Variants in TNFAIP8 observed in about 807,000 individuals in gnomAD.
TNFAIP8 encodes the protein TNF alpha induced protein 8, also known as tumor necrosis factor alpha-induced protein 8.
TNFAIP8 carries 7 observed loss-of-function variants against 13.3 expected under a neutral mutation model. The observed-to-expected ratio is 0.52, with a 90% CI of 0.30 to 0.99. TNFAIP8 has a LOEUF of 0.99. Among genes scored for constraint, TNFAIP8 ranks in the 50% least tolerant of loss-of-function variants. The pLI, the probability that TNFAIP8 is intolerant of heterozygous loss-of-function variation, is 0.07. For missense variants in TNFAIP8, 258 were observed against 236.9 expected, an observed-to-expected ratio of 1.09 and a Z score of -0.58; for synonymous variants, 94 against 87.6, an observed-to-expected ratio of 1.07 and a Z score of -0.41.
intron 1 of TNFAIP8, among the ~76,000 whole-genome samples, chr5:119,299,787 G>A (rs1749302296): frequency 6.6e-6 from 1 of 152,222 alleles, no homozygotes; most frequent in African/African-American, 2.4e-5. Flanking sequence ...TGGCTGCTTT[G>A]TTTACCTAAG....
At chr5:119,374,534 C>A (rs1019223359) in intron 1 of TNFAIP8, among the ~76,000 whole-genome samples, 6 of 152,098 alleles carry the variant, frequency 3.9e-5, no homozygotes, top group African/African-American at 1.4e-4. Context: ...TGGCAGAAGC[C>A]CAGGGGGTCC....
intron 1 of TNFAIP8, among the ~76,000 whole-genome samples, chr5:119,337,416 T>A (rs566056320): frequency 1.3e-5 from 2 of 152,220 alleles, no homozygotes; most frequent in East Asian, 3.8e-4. Context: ...TAAAATTGCC[T>A]GTCACTAGAA....
upstream of TNFAIP8, chr5:119,356,002 C>T: frequency 2.6e-6 from 4 of 1,530,382 alleles, no homozygotes; most frequent in Non-Finnish European, 3.5e-6. Flanking sequence ...TATTTTCCGT[C>T]GTGTGCGGAT....
At chr5:119,383,851 A>G (rs981493430) in intron 1 of TNFAIP8, among the ~76,000 whole-genome samples, 13 of 152,200 alleles carry the variant, frequency 8.5e-5, no homozygotes, top group African/African-American at 2.7e-4. Context: ...AAACTGCTCA[A>G]GTTCTTCCCT....
chr5:119,273,587 C>A (rs1489338589), intron 1 of TNFAIP8, among the ~76,000 whole-genome samples: 1 of 152,226 alleles, frequency 6.6e-6, no homozygotes, highest in East Asian at 1.9e-4. Flanking sequence ...CATTAAGCTT[C>A]TCTGCATGAG....
At chr5:119,378,811 C>T (rs750726082) in intron 1 of TNFAIP8, among the ~76,000 whole-genome samples, 20 of 152,182 alleles carry the variant, frequency 1.3e-4, no homozygotes, top group South Asian at 6.2e-4. Flanking sequence ...CAGTGGTTCA[C>T]GCCTGTAATC....
At chr5:119,360,796 A>G (rs1308948671) in intron 1 of TNFAIP8, among the ~76,000 whole-genome samples, 1 of 152,240 alleles carries the variant, frequency 6.6e-6, no homozygotes, top group Non-Finnish European at 1.5e-5. Context: ...GGGGATTTAT[A>G]AAACGCAGAT....
intron 1 of TNFAIP8, among the ~76,000 whole-genome samples, chr5:119,301,944 G>C (rs1749408241): frequency 6.6e-6 from 1 of 152,194 alleles, no homozygotes; most frequent in African/African-American, 2.4e-5. Flanking sequence ...AACTAGAGAG[G>C]TGTGAAACAG....
chr5:119,369,613 T>C (rs1235540129), intron 1 of TNFAIP8, among the ~76,000 whole-genome samples: 1 of 152,214 alleles, frequency 6.6e-6, no homozygotes, highest in Admixed American at 6.5e-5. Flanking sequence ...CATACATTGA[T>C]ATTTTTTGTG....
intron 1 of TNFAIP8, among the ~76,000 whole-genome samples, chr5:119,358,889 G>T (rs1378620328): frequency 6.6e-6 from 1 of 152,130 alleles, no homozygotes; most frequent in East Asian, 1.9e-4. Context: ...TCACTTTGTG[G>T]GGACTTGGAA....
At chr5:119,307,242 T>TGGAAA (rs1749594465) in intron 1 of TNFAIP8, among the ~76,000 whole-genome samples, 1 of 152,242 alleles carries the variant, frequency 6.6e-6, no homozygotes, top group Non-Finnish European at 1.5e-5. Context: ...ACAAATATAC[T>TGGAAA]ATGGTTTAAG....
At chr5:119,334,139 C>CAAAAAAAAAAAA (rs57346323) in intron 1 of TNFAIP8, among the ~76,000 whole-genome samples, 5 of 104,452 alleles carry the variant, frequency 4.8e-5, no homozygotes, top group African/African-American at 1.3e-4. Context: ...CTCTAACAAC[C>CAAAAAAAAAAAA]AAAAAAAAAA....
chr5:119,275,381 C>A (rs1352959315), intron 1 of TNFAIP8, among the ~76,000 whole-genome samples: 1 of 152,120 alleles, frequency 6.6e-6, no homozygotes, highest in Non-Finnish European at 1.5e-5. Context: ...TGCCAGCTGA[C>A]TTAAGGATAA....
chr5:119,268,771 T>A, exon 1 of TNFAIP8: 1 of 671,706 alleles, frequency 1.5e-6, no homozygotes, highest in East Asian at 2.9e-5. Flanking sequence ...CTGCCTCCTT[T>A]TCTCCCGCCG....
intron 1 of TNFAIP8, among the ~76,000 whole-genome samples, chr5:119,388,762 T>G (rs529833030): frequency 1.3e-5 from 2 of 151,840 alleles, no homozygotes; most frequent in African/African-American, 4.8e-5. Flanking sequence ...TCCTCCCACC[T>G]CAGCCCCCTG....
chr5:119,296,365 C>G (rs1209177714), intron 1 of TNFAIP8, among the ~76,000 whole-genome samples: 4 of 151,936 alleles, frequency 2.6e-5, no homozygotes, highest in African/African-American at 7.3e-5. Flanking sequence ...AAGGCCTTTT[C>G]TGCATCTATT....
chr5:119,303,608 A>G (rs1749460134), intron 1 of TNFAIP8, among the ~76,000 whole-genome samples: 2 of 152,206 alleles, frequency 1.3e-5, no homozygotes, highest in Admixed American at 1.3e-4. Flanking sequence ...TTAACCGGAA[A>G]GGTTGAATGC....
intron 1 of TNFAIP8, among the ~76,000 whole-genome samples, chr5:119,358,132 G>A (rs534698024): frequency 6.1e-5 from 8 of 131,614 alleles, no homozygotes; most frequent in Non-Finnish European, 1.3e-4. Flanking sequence ...GTGAACTTAT[G>A]TATCCCATTT....
intron 1 of TNFAIP8, among the ~76,000 whole-genome samples, chr5:119,298,131 G>C (rs1353748803): frequency 6.6e-6 from 1 of 152,188 alleles, no homozygotes; most frequent in East Asian, 1.9e-4. Context: ...TGTTATATGT[G>C]AATTTGATCC....
Sources: gnomAD v4.1 joint callset for allele counts (sites outside exome capture counted in the v4.1 genomes callset) on GRCh38, gnomAD v4.1.1 for gene constraint, MANE v1.5 for transcripts, NCBI Gene and HGNC (gene_info 2026-07-23, HGNC 2026-07-21) for gene names.